Variants in SDK1 observed in about 807,000 individuals in gnomAD.
SDK1 encodes sidekick cell adhesion molecule 1.
In SDK1, 157 loss-of-function variants were observed where a neutral mutation model predicts 245.5. That is an observed-to-expected ratio of 0.64 (90% confidence interval 0.56 to 0.73). The LOEUF is 0.73. Ranked by LOEUF, SDK1 falls within the 30% of genes least tolerant of loss-of-function variation. The probability of loss-of-function intolerance (pLI) is 0.00; values close to 1 mark genes in which losing one functional copy is unlikely to be tolerated. For synonymous variants in SDK1, 1,647 were observed against 1,278.5 expected (o/e 1.29, Z -6.15); for missense variants, 3,583 against 3,002.3 (o/e 1.19, Z -4.52).
chr7:3,848,223 C>G (rs1259474916), intron 5 of SDK1, among the ~76,000 whole-genome samples: 2 of 152,214 alleles, frequency 1.3e-5, no homozygotes, highest in Non-Finnish European at 2.9e-5. Flanking sequence ...GGAAACGCAT[C>G]TCTTAACGAG....
At chr7:3,740,452 C>A (rs1255279062) in intron 4 of SDK1, among the ~76,000 whole-genome samples, 1 of 152,146 alleles carries the variant, frequency 6.6e-6, no homozygotes, top group Non-Finnish European at 1.5e-5. Flanking sequence ...GCATGTGTCA[C>A]AGATTGTTTG....
At chr7:3,861,133 G>C (rs1012935426) in intron 5 of SDK1, among the ~76,000 whole-genome samples, 1 of 152,182 alleles carries the variant, frequency 6.6e-6, no homozygotes, top group African/African-American at 2.4e-5. Context: ...TGATCACAGG[G>C]AGACACGCGT....
At chr7:3,613,836 GGA>G (rs1781680223) in intron 1 of SDK1, among the ~76,000 whole-genome samples, 2 of 152,160 alleles carry the variant, frequency 1.3e-5, no homozygotes, top group African/African-American at 4.8e-5. Flanking sequence ...GGAGATGGAT[GGA>G]GCTGGAGGCC....
chr7:3,551,555 C>G (rs1303628855), intron 1 of SDK1, among the ~76,000 whole-genome samples: 1 of 150,972 alleles, frequency 6.6e-6, no homozygotes, highest in African/African-American at 2.4e-5. Context: ...TTGCTTGCCT[C>G]ATTGGTTTTT....
intron 35 of SDK1, 34 bp downstream of exon 35, chr7:4,178,620 A>G: frequency 1.4e-6 from 2 of 1,476,218 alleles, no homozygotes; most frequent in Non-Finnish European, 9.4e-7. Flanking sequence ...CCACTGCCAG[A>G]GAGGGCCACA....
chr7:3,653,363 A>T (rs997445884), intron 4 of SDK1, among the ~76,000 whole-genome samples: 3 of 152,106 alleles, frequency 2.0e-5, no homozygotes, highest in Non-Finnish European at 2.9e-5. Context: ...GGTATTTGAA[A>T]TCTAGACTTA....
chr7:3,719,150 G>T lies in SDK1; in HGVS notation c.713+77045G>T, dbSNP rs137896521. Among the ~76,000 whole-genome samples, 86 of 151,448 alleles carry T rather than the reference G, an allele frequency of 5.7e-4. 2 individuals carry two copies. The East Asian group carries it at 0.013, about 22-fold the overall frequency. ...TTTGGGGATAAATCTAACAAGAATA[G>T]AAACTATTTTGAAATTTACAAAATG... On this transcript the variant is annotated intron_variant, in intron 4 of 44. Transcript: ENST00000404826.
At chr7:3,740,589 C>G (rs538174140) in intron 4 of SDK1, among the ~76,000 whole-genome samples, 1 of 152,118 alleles carries the variant, frequency 6.6e-6, no homozygotes, top group Admixed American at 6.5e-5. Context: ...TGTACTATCC[C>G]CCTTAGTGGC....
chr7:4,021,535 T>A (rs1583852840), intron 17 of SDK1, among the ~76,000 whole-genome samples: 1 of 152,106 alleles, frequency 6.6e-6, no homozygotes, highest in East Asian at 1.9e-4. Context: ...AGCTCCGAGG[T>A]CATCAGAGAT....
chr7:4,236,394 T>C (rs1786170645), intron 41 of SDK1, among the ~76,000 whole-genome samples: 1 of 152,170 alleles, frequency 6.6e-6, no homozygotes, highest in South Asian at 2.1e-4. Context: ...AAAGCCGCCT[T>C]TACATGCATT....
chr7:3,682,553 C>G (rs75516999), intron 4 of SDK1, among the ~76,000 whole-genome samples: 1 of 6,038 alleles, frequency 1.7e-4, no homozygotes, highest in African/African-American at 6.0e-4. Context: ...TGCTGAGCCC[C>G]CATGCATGGG....
chr7:4,121,580 T>A (rs776777460), intron 25 of SDK1, among the ~76,000 whole-genome samples: 13 of 152,228 alleles, frequency 8.5e-5, no homozygotes, highest in Non-Finnish European at 1.5e-4. Flanking sequence ...TAAACCTCTT[T>A]CCTTTATAAA....
intron 5 of SDK1, among the ~76,000 whole-genome samples, chr7:3,912,546 A>G (rs1342087460): frequency 2.0e-5 from 3 of 152,188 alleles, no homozygotes; most frequent in Non-Finnish European, 4.4e-5. Flanking sequence ...CTGATTGCTC[A>G]AGCTAAGCTT....
intron 5 of SDK1, among the ~76,000 whole-genome samples, chr7:3,831,702 C>T (rs1404373234): frequency 6.6e-6 from 1 of 152,020 alleles, no homozygotes; most frequent in Non-Finnish European, 1.5e-5. Flanking sequence ...ATAGTAACAA[C>T]AGCTGTTCAT....
chr7:3,868,217 T>C (rs1436986925), intron 5 of SDK1, among the ~76,000 whole-genome samples: 2 of 152,242 alleles, frequency 1.3e-5, no homozygotes, highest in African/African-American at 4.8e-5. Flanking sequence ...TTATTATTTA[T>C]TGTTTATTGG....
intron 4 of SDK1, among the ~76,000 whole-genome samples, chr7:3,676,169 G>T (rs1783888349): frequency 6.6e-6 from 1 of 151,526 alleles, no homozygotes; most frequent in South Asian, 2.1e-4. Context: ...GTCTCACTAT[G>T]TTGCCACCTG....
At chr7:3,905,336 T>C (rs1032374907) in intron 5 of SDK1, among the ~76,000 whole-genome samples, 19 of 152,314 alleles carry the variant, frequency 1.2e-4, no homozygotes, top group African/African-American at 4.6e-4. Context: ...CTGGAGGTAA[T>C]GTTACTCTCA....
intron 4 of SDK1, among the ~76,000 whole-genome samples, chr7:3,755,747 A>G (rs1779905009): frequency 6.6e-6 from 1 of 152,206 alleles, no homozygotes; most frequent in Non-Finnish European, 1.5e-5. Flanking sequence ...AGAATATCAC[A>G]TAAATGGCTA....
chr7:3,338,539 G>C (rs1348172337), intron 1 of SDK1: 11 of 403,260 alleles, frequency 2.7e-5, no homozygotes, highest in Non-Finnish European at 3.8e-5. Context: ...AGCACACTTT[G>C]TGAGAAGCAG....
Sources: allele counts gnomAD v4.1 joint callset (sites outside exome capture counted in the v4.1 genomes callset), GRCh38; gene constraint gnomAD v4.1.1; transcripts MANE v1.5; gene names NCBI Gene and HGNC (gene_info 2026-07-23, HGNC 2026-07-21).